Variants in CADM2 observed in about 807,000 individuals in gnomAD.
CADM2 encodes the protein immunoglobulin superfamily member 4D.
In CADM2, 12 loss-of-function variants were observed where a neutral mutation model predicts 49.8. That is an observed-to-expected ratio of 0.24 (90% CI 0.15 to 0.39). The LOEUF is 0.39. Among genes scored for constraint, CADM2 ranks in the 10% least tolerant of loss-of-function variants. The pLI, the probability that CADM2 is intolerant of heterozygous loss-of-function variation, is 1.00. For missense variants in CADM2, 378 were observed against 492.3 expected (o/e 0.77, Z 2.20); for synonymous variants, 214 against 175.4 (o/e 1.22, Z -1.74).
intron 8 of CADM2, among the ~76,000 whole-genome samples, chr3:86,007,783 G>A (rs770048161): frequency 3.3e-5 from 5 of 152,098 alleles, no homozygotes; most frequent in East Asian, 3.8e-4. Flanking sequence ...GCTTCTCTAC[G>A]ACTTTCAGTT....
At chr3:85,508,651 C>T (rs886857496) in intron 1 of CADM2, among the ~76,000 whole-genome samples, 1 of 152,106 alleles carries the variant, frequency 6.6e-6, no homozygotes, top group Non-Finnish European at 1.5e-5. Context: ...AAAGAAGTCT[C>T]AGTGGGAATC....
intron 1 of CADM2, among the ~76,000 whole-genome samples, chr3:85,409,180 A>G (rs1382851204): frequency 6.6e-6 from 1 of 152,018 alleles, no homozygotes; most frequent in African/African-American, 2.4e-5. Flanking sequence ...TCCATTTTAA[A>G]CCTATCTCTT....
chr3:85,390,733 C>G (rs1246510557), intron 1 of CADM2, among the ~76,000 whole-genome samples: 1 of 152,072 alleles, frequency 6.6e-6, no homozygotes, highest in Non-Finnish European at 1.5e-5. Flanking sequence ...AATCTCTGCT[C>G]TACTGCCTAC....
chr3:85,564,167 TTCTCTCTCTCTC>T (rs3086193), intron 1 of CADM2, among the ~76,000 whole-genome samples: 1 of 149,584 alleles, frequency 6.7e-6, no homozygotes. Context: ...GAAAGCATGA[TTCTCTCTCTCTC>T]TCTCTCTCTC....
intron 3 of CADM2, among the ~76,000 whole-genome samples, chr3:85,804,362 A>G (rs1295058428): frequency 6.6e-6 from 1 of 152,164 alleles, no homozygotes; most frequent in African/African-American, 2.4e-5. Flanking sequence ...ACTTTTTTCC[A>G]TCCCTGTGTT....
intron 1 of CADM2, among the ~76,000 whole-genome samples, chr3:85,180,538 GAGA>G (rs1559706421): frequency 1.6e-5 from 2 of 125,804 alleles, no homozygotes; most frequent in Non-Finnish European, 3.3e-5. Context: ...AAAAAAAAAA[GAGA>G]AGGAGAAAAA....
chr3:85,490,399 A>C (rs1287358239), intron 1 of CADM2, among the ~76,000 whole-genome samples: 1 of 152,140 alleles, frequency 6.6e-6, no homozygotes, highest in Non-Finnish European at 1.5e-5. Flanking sequence ...GTCAAAAAAA[A>C]AAAGTGTTTT....
chr3:85,188,859 G>A (rs1471379863), intron 1 of CADM2, among the ~76,000 whole-genome samples: 2 of 151,488 alleles, frequency 1.3e-5, no homozygotes, highest in African/African-American at 2.4e-5. Flanking sequence ...GTGAAACCCC[G>A]TCTCTACTAA....
At chr3:85,059,776 G>C (rs1220043365) in intron 1 of CADM2, among the ~76,000 whole-genome samples, 4 of 152,152 alleles carry the variant, frequency 2.6e-5, no homozygotes, top group African/African-American at 9.7e-5. Flanking sequence ...CAATTGTGAG[G>C]TCTCCCCAGC....
chr3:85,870,601 A>G (rs2075890633), intron 3 of CADM2, among the ~76,000 whole-genome samples: 1 of 152,192 alleles, frequency 6.6e-6, no homozygotes, highest in Non-Finnish European at 1.5e-5. Flanking sequence ...ATGGCTGTGT[A>G]ATATTCCATA....
chr3:85,133,589 A>G (rs1417528536), intron 1 of CADM2, among the ~76,000 whole-genome samples: 1 of 151,918 alleles, frequency 6.6e-6, no homozygotes, highest in Non-Finnish European at 1.5e-5. Flanking sequence ...TGAGCTAGAC[A>G]TAAATGTTCT....
At chr3:85,694,905 G>A (rs763561535) in intron 1 of CADM2, among the ~76,000 whole-genome samples, 6 of 151,722 alleles carry the variant, frequency 4.0e-5, no homozygotes, top group Non-Finnish European at 7.4e-5. Context: ...ATCCAGCCTT[G>A]GCAACACAGT....
intron 1 of CADM2, among the ~76,000 whole-genome samples, chr3:85,101,858 T>G (rs1414444354): frequency 6.6e-6 from 1 of 152,142 alleles, no homozygotes; most frequent in Non-Finnish European, 1.5e-5. Flanking sequence ...CTTAAGAACG[T>G]AGATGAAAAT....
chr3:85,570,775 C>G (rs1347770271), intron 1 of CADM2, among the ~76,000 whole-genome samples: 1 of 152,086 alleles, frequency 6.6e-6, no homozygotes, highest in East Asian at 1.9e-4. Context: ...ATCTGAAAAT[C>G]AATAAAACTT....
At chr3:85,506,014 G>T (rs2040336013) in intron 1 of CADM2, among the ~76,000 whole-genome samples, 1 of 152,056 alleles carries the variant, frequency 6.6e-6, no homozygotes, top group South Asian at 2.1e-4. Flanking sequence ...AGTCAAATCT[G>T]ATCCTTTTGT....
intron 8 of CADM2, among the ~76,000 whole-genome samples, chr3:86,036,425 A>G (rs902401052): frequency 6.6e-6 from 1 of 151,370 alleles, no homozygotes; most frequent in East Asian, 1.9e-4. Flanking sequence ...TGACCTTCCT[A>G]CTCCCCCTTG....
At chr3:85,949,992 G>A (rs1723250924) in intron 7 of CADM2, among the ~76,000 whole-genome samples, 1 of 150,988 alleles carries the variant, frequency 6.6e-6, no homozygotes, top group Non-Finnish European at 1.5e-5. Context: ...ATGTACGCAG[G>A]TTGATAAAAT....
intron 1 of CADM2, among the ~76,000 whole-genome samples, chr3:85,009,149 A>C (rs1227021684): frequency 3.3e-5 from 5 of 152,180 alleles, no homozygotes; most frequent in Non-Finnish European, 7.3e-5. Context: ...GAATGGACCT[A>C]AACTTTTTCT....
chr3:85,456,469 G>A (rs1559849369), intron 1 of CADM2, among the ~76,000 whole-genome samples: 1 of 152,002 alleles, frequency 6.6e-6, no homozygotes, highest in Non-Finnish European at 1.5e-5. Context: ...AAGGGATATT[G>A]AATGATATTC....
Sources: allele counts gnomAD v4.1 joint callset (sites outside exome capture counted in the v4.1 genomes callset), GRCh38; gene constraint gnomAD v4.1.1; transcripts MANE v1.5; gene names NCBI Gene and HGNC (gene_info 2026-07-23, HGNC 2026-07-21).